The following NXPE2 variants were observed in gnomAD, a reference collection of about 807,000 sequenced individuals.
NXPE2 encodes the protein NXPE family member 2.
In NXPE2, 34 loss-of-function variants were observed where a neutral mutation model predicts 34.4. The observed-to-expected ratio is 0.99, with a 90% CI of 0.75 to 1.31. NXPE2 has a LOEUF of 1.31. NXPE2 is among the 40% of genes most tolerant of loss of function. The probability of loss-of-function intolerance (pLI) is 0.00; values close to 1 mark genes in which losing one functional copy is unlikely to be tolerated. For missense variants in NXPE2, 649 were observed against 672.5 expected, an observed-to-expected ratio of 0.97 and a Z score of 0.39; for synonymous variants, 235 against 231.3, an observed-to-expected ratio of 1.02 and a Z score of -0.15.
chr11:114,618,840 C>A, the NXPE2 span, among the ~76,000 whole-genome samples: 53 of 151,488 alleles, frequency 3.5e-4, no homozygotes, highest in African/African-American at 1.2e-3. Flanking sequence ...TCGTGGGCAA[C>A]CATTGGTACC....
the NXPE2 span, among the ~76,000 whole-genome samples, chr11:114,784,712 ACC>A: frequency 6.6e-6 from 1 of 152,116 alleles, no homozygotes; most frequent in Non-Finnish European, 1.5e-5. Context: ...ATTTGTGTGG[ACC>A]CAGGTGCTTT....
At chr11:114,808,521 G>A in the NXPE2 span, among the ~76,000 whole-genome samples, 2 of 128,192 alleles carry the variant, frequency 1.6e-5, no homozygotes, top group Non-Finnish European at 3.3e-5. Context: ...TATCACCACC[G>A]ATCCCACAGA....
chr11:114,721,010 T>G, the NXPE2 span, among the ~76,000 whole-genome samples: 1 of 152,116 alleles, frequency 6.6e-6, no homozygotes, highest in Non-Finnish European at 1.5e-5. Flanking sequence ...TTGGTTACCC[T>G]TACTCAAGCA....
the NXPE2 span, among the ~76,000 whole-genome samples, chr11:114,611,823 G>A: frequency 8.5e-3 from 1,291 of 151,950 alleles, 6 homozygotes; most frequent in Middle Eastern, 0.014. Flanking sequence ...ACTGTTACCC[G>A]GTGGATAATA....
At chr11:114,652,884 C>G in the NXPE2 span, among the ~76,000 whole-genome samples, 1 of 152,120 alleles carries the variant, frequency 6.6e-6, no homozygotes, top group African/African-American at 2.4e-5. Flanking sequence ...CCCAGTGGTG[C>G]CAATCACTTT....
chr11:114,656,306 A>G, the NXPE2 span, among the ~76,000 whole-genome samples: 1 of 152,122 alleles, frequency 6.6e-6, no homozygotes, highest in African/African-American at 2.4e-5. Flanking sequence ...AAAAGCATTC[A>G]ATTCTCATGG....
chr11:114,757,925 G>T, the NXPE2 span, among the ~76,000 whole-genome samples: 10 of 152,266 alleles, frequency 6.6e-5, no homozygotes, highest in South Asian at 2.1e-3. Flanking sequence ...TGGAGGCCAG[G>T]ATTTATTGGG....
At chr11:114,711,044 C>T (rs530096819), downstream of NXPE2, among the ~76,000 whole-genome samples, 7 of 152,196 alleles carry the variant, frequency 4.6e-5, no homozygotes, top group East Asian at 1.4e-3. Context: ...ATTTAACATC[C>T]TTTCATGATA....
chr11:114,613,563 C>G, the NXPE2 span, among the ~76,000 whole-genome samples: 1 of 151,782 alleles, frequency 6.6e-6, no homozygotes, highest in Non-Finnish European at 1.5e-5. Context: ...TAAGTGTTGC[C>G]TATTGGGTAA....
the NXPE2 span, among the ~76,000 whole-genome samples, chr11:114,480,620 G>A: frequency 6.6e-6 from 1 of 152,136 alleles, no homozygotes; most frequent in Non-Finnish European, 1.5e-5. Context: ...CCAGTTACGT[G>A]ATAATGACCT....
At chr11:114,711,234 G>T (rs1193535960), downstream of NXPE2, among the ~76,000 whole-genome samples, 1 of 151,926 alleles carries the variant, frequency 6.6e-6, no homozygotes, top group African/African-American at 2.4e-5. Context: ...GAAATTTCCA[G>T]CCAGAGCAAT....
At chr11:114,652,858 C>G in the NXPE2 span, among the ~76,000 whole-genome samples, 1 of 152,170 alleles carries the variant, frequency 6.6e-6, no homozygotes, top group Admixed American at 6.5e-5. Flanking sequence ...GAGCATTTTC[C>G]ATTTGGTACT....
chr11:114,530,380 C>G, the NXPE2 span: 1 of 1,614,194 alleles, frequency 6.2e-7, no homozygotes, highest in Non-Finnish European at 8.5e-7. Flanking sequence ...GTGCCATTAA[C>G]AAATTTGCCT....
At chr11:114,790,086 CCT>C in the NXPE2 span, among the ~76,000 whole-genome samples, 1 of 152,178 alleles carries the variant, frequency 6.6e-6, no homozygotes, top group African/African-American at 2.4e-5. Context: ...CCTGCTGCTC[CCT>C]GTGTCAAGAT....
At chr11:114,694,449 C>G (rs1466978534) in intron 2 of NXPE2, among the ~76,000 whole-genome samples, 1 of 152,056 alleles carries the variant, frequency 6.6e-6, no homozygotes, top group Non-Finnish European at 1.5e-5. Context: ...CTGCTTGGTG[C>G]CCTCTGAGCT....
the NXPE2 span, among the ~76,000 whole-genome samples, chr11:114,649,140 T>TC: frequency 6.6e-6 from 1 of 152,058 alleles, no homozygotes; most frequent in Non-Finnish European, 1.5e-5. Flanking sequence ...TGTTTTTTTT[T>TC]TTTTAACTGG....
the NXPE2 span, among the ~76,000 whole-genome samples, chr11:114,581,261 T>G: frequency 2.2e-3 from 339 of 152,268 alleles, 1 homozygote; most frequent in African/African-American, 7.7e-3. Context: ...GTTCTATTTT[T>G]TATGCTAACA....
the NXPE2 span, among the ~76,000 whole-genome samples, chr11:114,740,392 A>C: frequency 1.3e-5 from 2 of 149,338 alleles, no homozygotes; most frequent in Non-Finnish European, 3.0e-5. Flanking sequence ...ATTATGAATA[A>C]TAATATGATG....
the NXPE2 span, among the ~76,000 whole-genome samples, chr11:114,790,061 G>A: frequency 5.9e-5 from 9 of 152,140 alleles, no homozygotes; most frequent in Admixed American, 5.2e-4. Context: ...GGGGACTTAC[G>A]CACTTACAAT....
Sources: gnomAD v4.1 joint callset for allele counts (sites outside exome capture counted in the v4.1 genomes callset) on GRCh38, gnomAD v4.1.1 for gene constraint, MANE v1.5 for transcripts, NCBI Gene and HGNC (gene_info 2026-07-23, HGNC 2026-07-21) for gene names.